The following MCTP2 variants were observed in gnomAD, a reference collection of about 807,000 sequenced individuals.
MCTP2 encodes the protein multiple C2 and transmembrane domain-containing protein 2.
Under a neutral mutation model 111.6 loss-of-function variants are expected in MCTP2, and 132 were observed. The ratio of observed to expected loss-of-function variants is 1.18; its 90% CI spans 1.03 to 1.37. MCTP2 has a LOEUF of 1.37. Among genes scored for constraint, MCTP2 ranks in the 40% most tolerant of loss-of-function variants. MCTP2 has a pLI of 0.00. For missense variants in MCTP2, 1,183 were observed against 1,067.9 expected (o/e 1.11, Z -1.50); for synonymous variants, 395 against 387.7 (o/e 1.02, Z -0.22).
At chr15:94,360,820 A>G (rs1211520376) in intron 10 of MCTP2, among the ~76,000 whole-genome samples, 1 of 147,844 alleles carries the variant, frequency 6.8e-6, no homozygotes, top group Non-Finnish European at 1.5e-5. Flanking sequence ...CTTGGTGGTC[A>G]TTCTGTTCTT....
chr15:94,307,097 G>A (rs191067212), intron 2 of MCTP2, among the ~76,000 whole-genome samples: 8 of 152,182 alleles, frequency 5.3e-5, no homozygotes, highest in Admixed American at 2.6e-4. Flanking sequence ...CCTTCCCTTC[G>A]CACCTGTTGA....
intron 19 of MCTP2, among the ~76,000 whole-genome samples, chr15:94,457,902 C>A (rs115370545): frequency 0.013 from 1,957 of 152,240 alleles, 48 homozygotes; most frequent in African/African-American, 0.044. Context: ...TTCCCTTTAT[C>A]ACCTCATGGC....
chr15:94,339,545 TA>T (rs1175436280), intron 5 of MCTP2, 113 bp downstream of exon 5: 2 of 717,036 alleles, frequency 2.8e-6, no homozygotes, highest in Admixed American at 6.8e-5. Flanking sequence ...TAGGACAGAT[TA>T]AAAATAATAA....
At chr15:94,273,677 C>G (rs1474763515) in intron 1 of MCTP2, 1 of 187,836 alleles carries the variant, frequency 5.3e-6, no homozygotes, top group Non-Finnish European at 1.2e-5. Context: ...TTTGAGGACA[C>G]TACAGAGGTT....
At chr15:94,380,767 C>CA (rs376038646) in intron 12 of MCTP2, among the ~76,000 whole-genome samples, 443 of 114,702 alleles carry the variant, frequency 3.9e-3, no homozygotes, top group African/African-American at 9.4e-3. Flanking sequence ...GACTCCGTCT[C>CA]AAAAAAAAAA....
intron 4 of MCTP2, among the ~76,000 whole-genome samples, chr15:94,332,305 TAC>T (rs1453400312): frequency 6.6e-6 from 1 of 152,142 alleles, no homozygotes; most frequent in Non-Finnish European, 1.5e-5. Context: ...AGTCAGAACT[TAC>T]AGAGTCCATC....
rs202137443 is a variant in MCTP2 at position 94,345,141 on chromosome 15, C to T, written c.982C>T (p.Arg328Trp). The change falls in exon 8 of 23, where the codon CGG becomes TGG. Residue 328 changes from arginine (R) to tryptophan (W), a missense_variant. Transcript: ENST00000357742. ...GDFKRHRWSN[R>W]KRLSASKSSL... ...CACAAATCTTTAGCGTTGGTCAAAT[C>T]GGAAGCGATTAAGTGCCAGCAAGGT... 3.0e-5 allele frequency: 48 copies of T among 1,612,526 alleles called. No individual in the cohort carries two copies. The highest frequency in any genetic ancestry group is 8.0e-5 in the African/African-American group (6 of 74,992).
At chr15:94,284,592 A>C (rs2074661607) in intron 1 of MCTP2, among the ~76,000 whole-genome samples, 1 of 152,246 alleles carries the variant, frequency 6.6e-6, no homozygotes. Context: ...TGTAAAGTTT[A>C]TTAAAAATAT....
chr15:94,276,948 A>C lies in MCTP2; in HGVS notation c.-65-21253A>C, dbSNP rs980145748. On this transcript the variant is annotated intron_variant, in intron 1 of 22. Transcript: ENST00000357742. ...CTGTTACGTATTGAGTTGGAAGCCC[A>C]AAAAAAAAAAAAAAAAAATTAAGTG... Among the ~76,000 whole-genome samples, 12 of 17,810 alleles carry C rather than the reference A, an allele frequency of 6.7e-4. No individual in the cohort carries two copies. In the East Asian group the frequency reaches 8.7e-3, roughly 13 times the overall value. 11.7% of individuals were successfully genotyped at this position (17,810 alleles called of 152,430 possible).
intron 1 of MCTP2, among the ~76,000 whole-genome samples, chr15:94,250,797 G>A (rs1478662508): frequency 1.3e-5 from 2 of 152,164 alleles, no homozygotes; most frequent in African/African-American, 4.8e-5. Context: ...TGACAGCAGA[G>A]CCCAACAATT....
intron 12 of MCTP2, among the ~76,000 whole-genome samples, chr15:94,377,655 T>C (rs1478413491): frequency 1.3e-5 from 2 of 152,176 alleles, no homozygotes; most frequent in African/African-American, 4.8e-5. Context: ...TGATTTTTCC[T>C]GGTGATATGG....
intron 17 of MCTP2, among the ~76,000 whole-genome samples, chr15:94,431,671 T>A (rs1415717380): frequency 6.6e-6 from 1 of 152,212 alleles, no homozygotes; most frequent in Non-Finnish European, 1.5e-5. Context: ...GGTCAAATTA[T>A]AATTTTTTTT....
intron 2 of MCTP2, among the ~76,000 whole-genome samples, chr15:94,307,574 A>G (rs769536311): frequency 6.6e-6 from 1 of 152,008 alleles, no homozygotes; most frequent in South Asian, 2.1e-4. Flanking sequence ...TTGTCAGGCA[A>G]CTCTAGCTGC....
intron 17 of MCTP2, among the ~76,000 whole-genome samples, chr15:94,404,957 C>A (rs140072383): frequency 6.6e-6 from 1 of 152,184 alleles, no homozygotes; most frequent in Non-Finnish European, 1.5e-5. Flanking sequence ...TGTCTTTATT[C>A]GTCATTGTGA....
intron 1 of MCTP2, among the ~76,000 whole-genome samples, chr15:94,236,404 T>C (rs931588205): frequency 1.6e-5 from 2 of 128,422 alleles, no homozygotes; most frequent in Admixed American, 1.6e-4. Flanking sequence ...TTTTTTTTTT[T>C]TACGAAATAG....
intron 1 of MCTP2, among the ~76,000 whole-genome samples, chr15:94,280,287 C>T (rs1490942714): frequency 1.3e-5 from 2 of 151,870 alleles, no homozygotes; most frequent in Non-Finnish European, 2.9e-5. Flanking sequence ...AATTTCAGAA[C>T]TCACTGTTGG....
At chr15:94,437,145 C>CTT (rs2083519572) in intron 17 of MCTP2, among the ~76,000 whole-genome samples, 3 of 110,388 alleles carry the variant, frequency 2.7e-5, no homozygotes, top group Admixed American at 1.1e-4. Context: ...AAATTTCACA[C>CTT]TTACACATCC....
At chr15:94,313,136 A>G (rs1364701902) in intron 2 of MCTP2, among the ~76,000 whole-genome samples, 1 of 152,106 alleles carries the variant, frequency 6.6e-6, no homozygotes, top group Non-Finnish European at 1.5e-5. Flanking sequence ...CATTGACGCA[A>G]TCAGTCCTGG....
intron 1 of MCTP2, among the ~76,000 whole-genome samples, chr15:94,245,734 A>G (rs925640205): frequency 6.8e-6 from 1 of 147,536 alleles, no homozygotes; most frequent in East Asian, 2.0e-4. Flanking sequence ...ATATATATAT[A>G]TCTATATAGA....
Sources: gnomAD v4.1 joint callset for allele counts (sites outside exome capture counted in the v4.1 genomes callset) on GRCh38, gnomAD v4.1.1 for gene constraint, MANE v1.5 for transcripts, NCBI Gene and HGNC (gene_info 2026-07-23, HGNC 2026-07-21) for gene names.